The following PIK3R1 variants were observed in gnomAD, a reference collection of about 807,000 sequenced individuals.
PIK3R1 encodes the protein phosphatidylinositol 3-kinase regulatory subunit alpha.
In PIK3R1, 29 loss-of-function variants were observed where a neutral mutation model predicts 98.0. The observed-to-expected ratio is 0.30, with a 90% CI of 0.22 to 0.40. The LOEUF is 0.40. PIK3R1 is among the 10% of genes least tolerant of loss of function. PIK3R1 has a pLI of 1.00. For missense variants in PIK3R1, 596 were observed against 872.7 expected, an observed-to-expected ratio of 0.68 and a Z score of 3.99; for synonymous variants, 282 against 311.8, an observed-to-expected ratio of 0.90 and a Z score of 1.01.
Position 68,299,578 on chromosome 5 carries a change from A to G in PIK3R1, c.*1977A>G, listed in dbSNP as rs1336878530. 2 of 233,178 alleles carry G rather than the reference A, an allele frequency of 8.6e-6. No homozygotes were observed. The allele number at this position is 233,178 out of a possible 1,614,324, so 14.4% of individuals were successfully genotyped here. ...GAGGCATAAAGACTAATTAGCAACC[A>G]TAATATGGTCACTACCCTAATAGAC... On this transcript the variant is annotated 3_prime_UTR_variant, in exon 16 of 16. Coordinates refer to ENST00000521381, the MANE Select transcript of PIK3R1 (RefSeq NM_181523.3).
chr5:68,272,265 A>AAG (rs1554048921), intron 2 of PIK3R1, among the ~76,000 whole-genome samples: 10 of 146,196 alleles, frequency 6.8e-5, no homozygotes, highest in Non-Finnish European at 1.0e-4. Flanking sequence ...AAAAAAAAAA[A>AAG]AAAAAGAAAA....
At position 68,248,192 on chromosome 5, in the gene PIK3R1, C is replaced by G. The variant is rs936122207; in HGVS notation, c.334+21183C>G. On this transcript the variant is annotated intron_variant, in intron 2 of 15. Coordinates refer to ENST00000521381, the MANE Select transcript of PIK3R1 (RefSeq NM_181523.3). Reference sequence around the variant, plus strand: ...ATGGGGTTTTGCCATGTTGGCCAGACTGGTCTTGAACTCTTGACCTCAAGA... The same window carrying G: ...ATGGGGTTTTGCCATGTTGGCCAGAGTGGTCTTGAACTCTTGACCTCAAGA... Among the ~76,000 whole-genome samples the G allele has an allele frequency of 5.9e-5, 9 of 152,064 alleles. No homozygotes were observed. The South Asian group carries it at 1.9e-3, about 32-fold the overall frequency.
chr5:68,275,503 G>T (rs1042767628), intron 4 of PIK3R1, among the ~76,000 whole-genome samples: 1 of 148,406 alleles, frequency 6.7e-6, no homozygotes, highest in Non-Finnish European at 1.5e-5. Flanking sequence ...AACACAAAAT[G>T]ATGCAGTTTA....
At chr5:68,255,334 G>A (rs150743775) in intron 2 of PIK3R1, among the ~76,000 whole-genome samples, 2 of 152,282 alleles carry the variant, frequency 1.3e-5, no homozygotes, top group African/African-American at 4.8e-5. Context: ...GGTGATTCAG[G>A]TTTGGGAGAC....
At chr5:68,230,244 A>G (rs1319432876) in intron 2 of PIK3R1, among the ~76,000 whole-genome samples, 1 of 152,222 alleles carries the variant, frequency 6.6e-6, no homozygotes, top group Non-Finnish European at 1.5e-5. Context: ...ATCATTGATT[A>G]CTTAACCCAC....
Position 68,297,649 on chromosome 5 carries a change from C to A in PIK3R1, c.*48C>A. On this transcript the variant is annotated 3_prime_UTR_variant, in exon 16 of 16. Transcript: ENST00000521381. ...TCCTGAAGTTCAGCCACCCTGAGGC[C>A]TCTGGAAAGCAAAGGGCTCCTCTCC... is the stretch of plus-strand genomic sequence containing the variant. The A allele has an allele frequency of 6.6e-7, 1 of 1,520,378 alleles. No homozygotes were observed. Among genetic ancestry groups the A allele is most frequent in the Non-Finnish European group, 9.0e-7 (1 of 1,106,662 alleles). 94.2% of individuals were successfully genotyped at this position (1,520,378 alleles called of 1,614,324 possible). A position where few individuals can be genotyped will look rare whatever the true frequency, so the allele number is the denominator to read the frequency against.
At chr5:68,236,119 C>T (rs1419722423) in intron 2 of PIK3R1, among the ~76,000 whole-genome samples, 1 of 151,960 alleles carries the variant, frequency 6.6e-6, no homozygotes, top group East Asian at 1.9e-4. Context: ...GATCCACCCA[C>T]CTCGGCCTCC....
chr5:68,258,495 A>G (rs1401692441), intron 2 of PIK3R1, among the ~76,000 whole-genome samples: 2 of 152,208 alleles, frequency 1.3e-5, no homozygotes, highest in Non-Finnish European at 2.9e-5. Context: ...TCTTGTAGCC[A>G]GTATCAGACA....
chr5:68,252,845 C>T (rs145337878), intron 2 of PIK3R1, among the ~76,000 whole-genome samples: 9 of 152,278 alleles, frequency 5.9e-5, no homozygotes, highest in African/African-American at 1.2e-4. Context: ...AGTAAAACCC[C>T]GCTGCCATCC....
At chr5:68,272,532 T>G (rs1238669429) in intron 2 of PIK3R1, among the ~76,000 whole-genome samples, 1 of 152,228 alleles carries the variant, frequency 6.6e-6, no homozygotes, top group Non-Finnish European at 1.5e-5. Flanking sequence ...AGAATTTTTT[T>G]GCTTACAATG....
At chr5:68,223,743 T>C (rs1414175052) in intron 1 of PIK3R1, among the ~76,000 whole-genome samples, 1 of 152,220 alleles carries the variant, frequency 6.6e-6, no homozygotes, top group Non-Finnish European at 1.5e-5. Flanking sequence ...TCCTTAGGTT[T>C]CTATTTCCCT....
rs1747697919 is a variant in PIK3R1, at chr5:68,296,089, G to A, written c.1815-82G>A. ...GGTAGGGGCCAGGAGGGAAGTGACG[G>A]GGGTATGCCTAGGGAAGACAGCAAG... On this transcript the variant is annotated intron_variant, in intron 14 of 15. Transcript: ENST00000521381. 14 of 1,363,914 alleles carry A rather than the reference G, an allele frequency of 1.0e-5. 1 individual carries two copies. In the South Asian group the frequency reaches 1.7e-4, roughly 16 times the overall value. 84.5% of individuals were successfully genotyped at this position (1,363,914 alleles called of 1,614,324 possible). A position where few individuals can be genotyped will look rare whatever the true frequency, so the allele number is the denominator to read the frequency against.
chr5:68,266,468 G>C (rs1746127209), intron 2 of PIK3R1, among the ~76,000 whole-genome samples: 1 of 152,156 alleles, frequency 6.6e-6, no homozygotes. Flanking sequence ...CATAATGAGA[G>C]GGAATATATT....
At chr5:68,261,887 A>G (rs1383457644) in intron 2 of PIK3R1, among the ~76,000 whole-genome samples, 1 of 152,184 alleles carries the variant, frequency 6.6e-6, no homozygotes, top group Non-Finnish European at 1.5e-5. Context: ...TTCAGACCCT[A>G]TCCCTTCCCT....
intron 2 of PIK3R1, among the ~76,000 whole-genome samples, chr5:68,235,941 GC>G (rs1339883358): frequency 2.7e-5 from 4 of 149,874 alleles, no homozygotes; most frequent in Non-Finnish European, 5.9e-5. Context: ...CTCAATCTCA[GC>G]TGACTGCAAC....
intron 2 of PIK3R1, among the ~76,000 whole-genome samples, chr5:68,263,683 T>C (rs986205433): frequency 6.6e-6 from 1 of 152,216 alleles, no homozygotes; most frequent in Non-Finnish European, 1.5e-5. Context: ...TTTTAATATA[T>C]ATAGTCTTAT....
chr5:68,269,884 TA>T (rs56762397), intron 2 of PIK3R1, among the ~76,000 whole-genome samples: 45,135 of 149,352 alleles, frequency 0.3, 8,082 homozygotes, highest in Non-Finnish European at 0.39. Context: ...AATTGCTATT[TA>T]AAAAAAAAAA....
chr5:68,252,858 T>C (rs1030486689), intron 2 of PIK3R1, among the ~76,000 whole-genome samples: 6 of 152,208 alleles, frequency 3.9e-5, no homozygotes, highest in Non-Finnish European at 8.8e-5. Flanking sequence ...TGCCATCCAG[T>C]GGCAATTGGC....
chr5:68,264,468 A>G (rs1746040747), intron 2 of PIK3R1, among the ~76,000 whole-genome samples: 1 of 152,212 alleles, frequency 6.6e-6, no homozygotes, highest in Non-Finnish European at 1.5e-5. Context: ...GACTTTAGGT[A>G]ACTTGTTTAA....
Sources: allele counts gnomAD v4.1 joint callset (sites outside exome capture counted in the v4.1 genomes callset), GRCh38; gene constraint gnomAD v4.1.1; transcripts MANE v1.5; gene names NCBI Gene and HGNC (gene_info 2026-07-23, HGNC 2026-07-21).